PCDHA1: variants seen among roughly 807,000 people sequenced by gnomAD.
The protein encoded by PCDHA1 is protocadherin alpha 1.
Under a neutral mutation model 61.3 loss-of-function variants are expected in PCDHA1, and 42 were observed. The ratio of observed to expected loss-of-function variants is 0.69; its 90% CI spans 0.54 to 0.89. The LOEUF is 0.89. PCDHA1 is among the 40% of genes least tolerant of loss of function. The pLI is 0.00. For synonymous variants in PCDHA1, 610 were observed against 553.8 expected (o/e 1.10, Z -1.43); for missense variants, 1,256 against 1,235.3 (o/e 1.02, Z -0.25).
At chr5:140,854,558 G>A (rs1344773407) in intron 1 of PCDHA1, 1 of 149,764 alleles carries the variant, frequency 6.7e-6, no homozygotes, top group East Asian at 1.9e-4. Flanking sequence ...CATAAATATT[G>A]TTGCTCTGTC....
chr5:140,944,182 GTTTGT>G (rs750577669), intron 1 of PCDHA1, among the ~76,000 whole-genome samples: 4 of 152,050 alleles, frequency 2.6e-5, no homozygotes, highest in African/African-American at 2.4e-5. Context: ...TTTTTTGTTG[GTTTGT>G]TTTGTTTTGT....
In PCDHA1 at chr5:140,787,079, A is replaced by C. The variant is rs1467635889; in HGVS notation, c.789A>C (p.Thr263=). 6.2e-7 allele frequency: 1 copy of C among 1,614,204 alleles called. No individual in the cohort carries two copies. The highest frequency in any genetic ancestry group is 1.1e-5 in the South Asian group (1 of 91,086). The part of the protein sequence containing the change: ...ETTANGTLVT[T]LNASDADEGV... Reference sequence around the variant, plus strand: ...CAGCAAATGGAACATTAGTGACCACATTAAATGCCTCTGATGCTGACGAAG... The same window carrying C: ...CAGCAAATGGAACATTAGTGACCACCTTAAATGCCTCTGATGCTGACGAAG... The change falls in exon 1 of 4, where the codon ACA becomes ACC. Residue 263 remains threonine, a synonymous_variant. Transcript: ENST00000504120.
chr5:140,955,501 A>G (rs1479045859), intron 1 of PCDHA1, among the ~76,000 whole-genome samples: 5 of 152,114 alleles, frequency 3.3e-5, no homozygotes, highest in African/African-American at 1.2e-4. Context: ...CATGTGAAGA[A>G]AGACGTGTTT....
In PCDHA1 at chr5:140,849,923, G is replaced by T. The variant is rs145904051; in HGVS notation, c.2394+61239G>T. 160 of 1,598,322 alleles carry T rather than the reference G, an allele frequency of 1.0e-4. 9 individuals carry two copies. The African/African-American group carries it at 1.2e-3, about 12-fold the overall frequency. On this transcript the variant is annotated intron_variant, in intron 1 of 3. Transcript: ENST00000504120. ...ACCCGCCGGGCTGCCACATCTTCAC[G>T]GTGTCTGCGCGGGACGCTGACGCGC...
intron 1 of PCDHA1, among the ~76,000 whole-genome samples, chr5:140,950,903 T>C (rs2094530592): frequency 6.6e-6 from 1 of 152,024 alleles, no homozygotes; most frequent in South Asian, 2.1e-4. Context: ...TTTATTTTAT[T>C]TTTATTTTAT....
chr5:140,786,744 T>C lies in PCDHA1; in HGVS notation c.454T>C (p.Phe152Leu). ...TGAATCTAGACTCCTGAATTCGCGT[T>C]TTCCGATAGAAGGAGCTGCTGATGC... is the stretch of plus-strand genomic sequence containing the variant. ...IPESRLLNSRFPIEGAADADI... is the reference protein window; with the variant it reads ...IPESRLLNSRLPIEGAADADI... The change falls in exon 1 of 4, where the codon TTT (phenylalanine) becomes CTT (leucine). Residue 152 changes from phenylalanine to leucine, a missense_variant. Phe to Leu is a conservative substitution (Grantham distance 22). Transcript: ENST00000504120. 6.2e-7 allele frequency: 1 copy of C among 1,614,228 alleles called. No homozygotes were observed.
chr5:140,982,380 C>G, intron 2 of PCDHA1, 95 bp from the exon 3 acceptor site: 1 of 1,577,206 alleles, frequency 6.3e-7, no homozygotes, highest in Non-Finnish European at 8.6e-7. Flanking sequence ...AGCTGCAGCC[C>G]TGGCTTCATA....
intron 1 of PCDHA1, chr5:140,867,112 T>C (rs1446733026): frequency 6.6e-6 from 1 of 152,146 alleles, no homozygotes; most frequent in Non-Finnish European, 1.5e-5. Flanking sequence ...AATTAACATA[T>C]TGTTTTAATT....
Position 140,786,984 on chromosome 5 carries a change from G to A in PCDHA1, c.694G>A (p.Val232Ile), listed in dbSNP as rs782181768. ...LQGTVELLITVLDVNDNAPLF... is the reference protein window; with the variant it reads ...LQGTVELLITILDVNDNAPLF... ...AGGTACAGTTGAGCTGCTGATCACCGTCCTCGACGTTAATGATAACGCCCC... is the reference window on the plus strand; with the variant it reads ...AGGTACAGTTGAGCTGCTGATCACCATCCTCGACGTTAATGATAACGCCCC... Residue 232 changes from valine (V) to isoleucine (I), a missense_variant, in exon 1 of 4, where the codon GTC (valine) becomes ATC (isoleucine). Physicochemically the swap from Val to Ile is conservative, Grantham distance 29. Coordinates refer to ENST00000504120, the MANE Select transcript of PCDHA1 (RefSeq NM_018900.4). 7.4e-6 allele frequency: 12 copies of A among 1,613,984 alleles called. No individual in the cohort carries two copies. In the South Asian group the frequency reaches 9.9e-5, roughly 13 times the overall value.
At chr5:140,969,236 G>A (rs782453054) in intron 1 of PCDHA1, 5 of 1,614,052 alleles carry the variant, frequency 3.1e-6, no homozygotes, top group Non-Finnish European at 4.2e-6. Flanking sequence ...GGGAGCCCAA[G>A]CAGCAGTGAC....
intron 1 of PCDHA1, chr5:140,808,398 A>G (rs781853303): frequency 1.9e-6 from 3 of 1,614,148 alleles, no homozygotes; most frequent in Non-Finnish European, 2.5e-6. Context: ...TTCAAGAATT[A>G]CTACTCGTTG....
intron 1 of PCDHA1, chr5:140,834,458 G>A: frequency 6.2e-7 from 1 of 1,614,178 alleles, no homozygotes; most frequent in Non-Finnish European, 8.5e-7. Context: ...CAGCTTGGGA[G>A]GCAGGGAGAG....
At chr5:140,899,443 G>A (rs1554188558) in intron 1 of PCDHA1, among the ~76,000 whole-genome samples, 4 of 152,210 alleles carry the variant, frequency 2.6e-5, no homozygotes, top group African/African-American at 9.7e-5. Context: ...CATCTATTGA[G>A]ATAATCATGT....
intron 3 of PCDHA1, among the ~76,000 whole-genome samples, chr5:140,996,730 A>G (rs1271920339): frequency 2.6e-5 from 4 of 152,228 alleles, no homozygotes; most frequent in African/African-American, 9.6e-5. Context: ...AGAAGAAACA[A>G]AAGTCATAAC....
intron 1 of PCDHA1, among the ~76,000 whole-genome samples, chr5:140,838,280 A>ATTT (rs2150286950): frequency 0.014 from 2,008 of 139,562 alleles, 92 homozygotes; most frequent in African/African-American, 0.051. Context: ...AGCCATGCTA[A>ATTT]TTTTTTTTTT....
chr5:140,961,326 G>T (rs1450202899), intron 1 of PCDHA1, among the ~76,000 whole-genome samples: 1 of 152,154 alleles, frequency 6.6e-6, no homozygotes, highest in Admixed American at 6.5e-5. Flanking sequence ...TCTGTTTCTT[G>T]AGAGACCAAG....
intron 1 of PCDHA1, among the ~76,000 whole-genome samples, chr5:140,793,456 C>G (rs1554118930): frequency 2.0e-5 from 3 of 152,086 alleles, no homozygotes; most frequent in African/African-American, 7.2e-5. Context: ...TCTTAAGATA[C>G]TGTACATGAG....
rs1554117506 is a variant in PCDHA1, at chr5:140,786,679, C to T, written c.389C>T (p.Pro130Leu). Residue 130 changes from proline (P) to leucine (L), a missense_variant, in exon 1 of 4, where the codon CCA becomes CTA. Pro to Leu is a moderately conservative substitution (Grantham distance 98). Coordinates refer to ENST00000504120, the MANE Select transcript of PCDHA1 (RefSeq NM_018900.4). ...AAGGTGAAAGACATTAACGATAATC[C>T]ACCCGTCTTCAGGGGCAGAGAACAA... ...EVKVKDINDN[P>L]PVFRGREQII... 6.2e-7 allele frequency: 1 copy of T among 1,614,214 alleles called. No homozygotes were observed.
intron 1 of PCDHA1, among the ~76,000 whole-genome samples, chr5:140,920,659 C>T (rs1325541731): frequency 1.3e-5 from 2 of 152,098 alleles, no homozygotes; most frequent in East Asian, 3.9e-4. Flanking sequence ...TCCTTGCCAA[C>T]ATGGTGAAAC....
Sources: allele counts gnomAD v4.1 joint callset (sites outside exome capture counted in the v4.1 genomes callset), GRCh38; gene constraint gnomAD v4.1.1; transcripts MANE v1.5; gene names NCBI Gene and HGNC (gene_info 2026-07-23, HGNC 2026-07-21).